The following ATPAF2 variants were observed in gnomAD, a reference collection of about 807,000 sequenced individuals.
ATPAF2 encodes ATP synthase mitochondrial F1 complex assembly factor 2.
ATPAF2 carries 30 observed loss-of-function variants against 36.6 expected under a neutral mutation model. The observed-to-expected ratio is 0.82, with a 90% CI of 0.61 to 1.11. ATPAF2 has a LOEUF of 1.11. Among genes scored for constraint, ATPAF2 ranks in the 50% most tolerant of loss-of-function variants. The pLI, the probability that ATPAF2 is intolerant of heterozygous loss-of-function variation, is 0.00. For missense variants in ATPAF2, 321 were observed against 372.3 expected (o/e 0.86, Z 1.13); for synonymous variants, 140 against 152.6 (o/e 0.92, Z 0.61).
intron 4 of ATPAF2, chr17:18,026,020 C>A (rs1430419064): frequency 6.0e-6 from 3 of 496,014 alleles, no homozygotes; most frequent in African/African-American, 5.8e-5. Flanking sequence ...AGGTCACAGG[C>A]CCCCCTAGGC....
At chr17:18,037,897 C>T (rs910406208) in intron 1 of ATPAF2, among the ~76,000 whole-genome samples, 10 of 152,218 alleles carry the variant, frequency 6.6e-5, no homozygotes, top group African/African-American at 2.2e-4. Context: ...AACTCCTACT[C>T]ATCTATCATG....
rs2044562838 is a variant in ATPAF2 at position 18,027,345 on chromosome 17, C to T, written c.324+887G>A. ...AGGTTGTCAAGGACCAGGCCAACCACCTCAGCAGGCTGTGATGTTGGGAGG... is the reference window on the plus strand; with the variant it reads ...AGGTTGTCAAGGACCAGGCCAACCATCTCAGCAGGCTGTGATGTTGGGAGG... On this transcript the variant is annotated intron_variant, in intron 3 of 7. Coordinates refer to ENST00000474627, the MANE Select transcript of ATPAF2 (RefSeq NM_145691.4). 3.3e-5 allele frequency among the ~76,000 whole-genome samples: 5 copies of T among 152,270 alleles called. No individual in the cohort carries two copies. In the South Asian group the frequency reaches 1.0e-3, roughly 32 times the overall value.
intron 4 of ATPAF2, 37 bp from the exon 5 acceptor site, chr17:18,024,741 A>G: frequency 6.4e-7 from 1 of 1,561,812 alleles, no homozygotes; most frequent in Non-Finnish European, 8.8e-7. Context: ...TTAATAAAAA[A>G]GTACAATTCC....
intron 6 of ATPAF2, 162 bp downstream of exon 6, chr17:18,021,583 G>C (rs2044469257): frequency 1.4e-6 from 1 of 732,008 alleles, no homozygotes; most frequent in South Asian, 1.5e-5. Flanking sequence ...CTAGAGCGTA[G>C]AGTGATTGGC....
At position 18,026,353 on chromosome 17, in the gene ATPAF2, C is replaced by T. The variant is rs767703822; in HGVS notation, c.388G>A (p.Ala130Thr). The T allele has an allele frequency of 7.4e-6, 12 of 1,614,102 alleles. No individual in the cohort carries two copies. Among genetic ancestry groups the T allele is most frequent in the Non-Finnish European group, 1.0e-5 (12 of 1,180,050 alleles). ...TCGGTGTCCAGAAACTTCACGGCTG[C>T]CCGGATCAGCTGATCCTTGTTTCTC... ...TQRNKDQLIRAAVKFLDTDTI... is the reference protein window; with the variant it reads ...TQRNKDQLIRTAVKFLDTDTI... Residue 130 changes from alanine to threonine, a missense_variant, in exon 4 of 8, where the codon GCA becomes ACA. Around this residue, in one of 3 missense-constraint regions of ATPAF2, gnomAD observed 199 missense variants for 220.6 expected, o/e 0.90. Transcript: ENST00000474627.
intron 1 of ATPAF2, 94 bp from the exon 2 acceptor site, chr17:18,028,753 G>C (rs1055735771): frequency 6.0e-6 from 7 of 1,161,032 alleles, no homozygotes; most frequent in Non-Finnish European, 9.0e-6. Context: ...TGCTAATGTT[G>C]ATTGATTGGC....
At chr17:18,016,661 T>G (rs1274123214), downstream of ATPAF2, 23 of 1,608,640 alleles carry the variant, frequency 1.4e-5, no homozygotes, top group Non-Finnish European at 2.0e-5. Context: ...TGTGGCGACA[T>G]CCTAGACTAG....
chr17:18,028,570 C>T lies in ATPAF2; in HGVS notation c.178+45G>A. The T allele has an allele frequency of 3.4e-5, 46 of 1,351,244 alleles. 1 individual carries two copies. The South Asian group carries it at 6.0e-4, about 18-fold the overall frequency. The allele number at this position is 1,351,244 out of a possible 1,614,324, so 83.7% of individuals were successfully genotyped here. A position where few individuals can be genotyped will look rare whatever the true frequency, so the allele number is the denominator to read the frequency against. The stretch of plus-strand genomic sequence containing the variant: ...GATGAAAAATGTTCCCAACCATTCA[C>T]AAAAAAAAAAAAAAAAAGAGGCAGT... On this transcript the variant is annotated intron_variant, in intron 2 of 7. Coordinates refer to ENST00000474627, the MANE Select transcript of ATPAF2 (RefSeq NM_145691.4).
rs2044747684 is a variant in ATPAF2, at chr17:18,038,908, G to A, written c.106C>T (p.Pro36Ser). The part of the protein sequence containing the change: ...SMSPGPTIPS[P>S]ARAYAPPTER... ...GTCGGCGGGGCGTAAGCCCGGGCTG[G>A]AGACGGGATGGTTGGCCCCGGACTC... The change falls in exon 1 of 8, where the codon CCA becomes TCA. Residue 36 changes from proline (P) to serine (S), a missense_variant. Transcript: ENST00000474627. 1 of 1,614,048 alleles carries A rather than the reference G, an allele frequency of 6.2e-7. No individual in the cohort carries two copies. The highest frequency in any genetic ancestry group is 8.5e-7 in the Non-Finnish European group (1 of 1,179,908).
chr17:18,030,581 T>A (rs1236619838), intron 1 of ATPAF2, among the ~76,000 whole-genome samples: 1 of 150,362 alleles, frequency 6.7e-6, no homozygotes, highest in Non-Finnish European at 1.5e-5. Flanking sequence ...CCATGAAAAT[T>A]CAGGAGAAAT....
intron 7 of ATPAF2, 153 bp downstream of exon 7, chr17:18,020,970 A>G: frequency 2.1e-6 from 3 of 1,445,390 alleles, no homozygotes; most frequent in East Asian, 2.5e-5. Flanking sequence ...CTACTTGACA[A>G]TACTTCTGCT....
Position 18,038,898 on chromosome 17 carries a change from G to A in ATPAF2, c.116C>T (p.Ala39Val). The A allele has an allele frequency of 6.2e-7, 1 of 1,614,064 alleles. No individual in the cohort carries two copies. Among genetic ancestry groups the A allele is most frequent in the Non-Finnish European group, 8.5e-7 (1 of 1,179,908 alleles). ...PGPTIPSPAR[A>V]YAPPTERKRF... ...GGTCTTACCTGTCGGCGGGGCGTAA[G>A]CCCGGGCTGGAGACGGGATGGTTGG... Residue 39 changes from alanine to valine, a missense_variant, in exon 1 of 8, where the codon GCT (alanine) becomes GTT (valine). Around this residue, in one of 3 missense-constraint regions of ATPAF2, gnomAD observed 69 missense variants for 60.1 expected, o/e 1.15. Coordinates refer to ENST00000474627, the MANE Select transcript of ATPAF2 (RefSeq NM_145691.4).
chr17:18,018,414 G>A lies in ATPAF2; in HGVS notation c.*135C>T, dbSNP rs1235463107. The stretch of plus-strand genomic sequence containing the variant: ...GCCGTACTAGCGCACTGTGTCTCGG[G>A]GGGAATCTCAGGGTGACGCTGAGGC... On this transcript the variant is annotated 3_prime_UTR_variant, in exon 8 of 8. Coordinates refer to ENST00000474627, the MANE Select transcript of ATPAF2 (RefSeq NM_145691.4). The A allele has an allele frequency of 3.1e-6, 4 of 1,285,306 alleles. No homozygotes were observed. Among genetic ancestry groups the A allele is most frequent in the African/African-American group, 1.5e-5 (1 of 68,630 alleles). 79.6% of individuals were successfully genotyped at this position (1,285,306 alleles called of 1,614,324 possible).
chr17:18,033,753 C>T (rs908609427), intron 1 of ATPAF2, among the ~76,000 whole-genome samples: 4 of 152,094 alleles, frequency 2.6e-5, no homozygotes, highest in Non-Finnish European at 5.9e-5. Flanking sequence ...CCTAGGGCGG[C>T]TCTAACCAAC....
At chr17:18,030,962 C>T (rs1186793958) in intron 1 of ATPAF2, among the ~76,000 whole-genome samples, 22 of 114,912 alleles carry the variant, frequency 1.9e-4, no homozygotes, top group South Asian at 5.8e-4. Flanking sequence ...CGTGAGCCAC[C>T]GCGCCTGGCC....
intron 6 of ATPAF2, chr17:18,021,465 G>A (rs1016202076): frequency 2.2e-5 from 14 of 636,502 alleles, no homozygotes; most frequent in African/African-American, 5.4e-5. Flanking sequence ...AGAGCTTTCC[G>A]CACCCAGTCT....
chr17:18,016,765 T>G, downstream of ATPAF2: 1 of 704,482 alleles, frequency 1.4e-6, no homozygotes, highest in Non-Finnish European at 2.4e-6. Flanking sequence ...TCTAGAGAGT[T>G]GCTGGGCATC....
intron 1 of ATPAF2, among the ~76,000 whole-genome samples, chr17:18,030,319 TC>T (rs1194498607): frequency 3.0e-5 from 1 of 33,440 alleles, no homozygotes; most frequent in Non-Finnish European, 4.5e-5. Flanking sequence ...AGACTCCATC[TC>T]AAAAAAAAAA....
intron 1 of ATPAF2, among the ~76,000 whole-genome samples, chr17:18,031,322 T>C (rs1239576911): frequency 1.3e-5 from 2 of 152,028 alleles, no homozygotes; most frequent in Admixed American, 6.6e-5. Context: ...TTTCTATAAA[T>C]CTCATTTGCT....
Sources: gnomAD v4.1 joint callset for allele counts (sites outside exome capture counted in the v4.1 genomes callset) on GRCh38, gnomAD v4.1.1 for gene constraint, gnomAD v4.1.1 regional missense constraint, MANE v1.5 for transcripts, NCBI Gene and HGNC (gene_info 2026-07-23, HGNC 2026-07-21) for gene names.